The following GPC6 variants were observed in gnomAD, a reference collection of about 807,000 sequenced individuals.
The protein encoded by GPC6 is glypican 6, also known as glypican-6.
A neutral mutation model predicts 55.2 loss-of-function variants in GPC6; 14 were observed. The observed-to-expected ratio is 0.25, with a 90% confidence interval of 0.17 to 0.40. The LOEUF (loss-of-function observed/expected upper bound fraction) is 0.40, where lower values mean the gene tolerates loss of function less well. GPC6 is among the 10% of genes least tolerant of loss of function. The pLI is 1.00. For synonymous variants in GPC6, 278 were observed against 259.6 expected (o/e 1.07, Z -0.68); for missense variants, 641 against 708.5 (o/e 0.90, Z 1.08).
At chr13:93,360,948 G>A (rs1881022623) in intron 1 of GPC6, among the ~76,000 whole-genome samples, 1 of 152,038 alleles carries the variant, frequency 6.6e-6, no homozygotes, top group Non-Finnish European at 1.5e-5. Flanking sequence ...ATGGGCCTCT[G>A]GATCTATTGT....
At position 94,152,370 on chromosome 13, in the gene GPC6, T is replaced by C. The variant is rs138229038; in HGVS notation, c.877+124476T>C. Among the ~76,000 whole-genome samples the C allele has an allele frequency of 2.0e-5, 3 of 152,288 alleles. No individual in the cohort carries two copies. The East Asian group carries it at 5.8e-4, about 29-fold the overall frequency. On this transcript the variant is annotated intron_variant, in intron 4 of 8. Transcript: ENST00000377047. Reference sequence around the variant, plus strand: ...CAATCATTGCTTGGGTGATCTTGGGTAATTCACTTAAATTTGCTGCTTCTC... The same window carrying C: ...CAATCATTGCTTGGGTGATCTTGGGCAATTCACTTAAATTTGCTGCTTCTC...
intron 3 of GPC6, among the ~76,000 whole-genome samples, chr13:93,907,407 A>T (rs1322731353): frequency 6.6e-6 from 1 of 152,172 alleles, no homozygotes; most frequent in Non-Finnish European, 1.5e-5. Context: ...TCCACCTAAC[A>T]TTAAAGACAC....
chr13:93,997,832 C>T (rs936570380), intron 3 of GPC6, among the ~76,000 whole-genome samples: 26 of 152,114 alleles, frequency 1.7e-4, no homozygotes, highest in African/African-American at 6.3e-4. Context: ...CTGCAAGGGT[C>T]CTGCTGCATT....
rs138756989 is a variant in GPC6, at chr13:94,281,219, T to C, written c.878-5130T>C. Among the ~76,000 whole-genome samples, 302 of 152,288 alleles carry C rather than the reference T, an allele frequency of 2.0e-3. 1 individual carries two copies. The highest frequency in any genetic ancestry group is 6.9e-3 in the African/African-American group (286 of 41,562). On this transcript the variant is annotated intron_variant, in intron 4 of 8. Transcript: ENST00000377047. ...ATTTTACTTTAAGTTCCAAGACACA[T>C]GTGCAGAATGTGCAGGTTTGTTATG...
intron 1 of GPC6, among the ~76,000 whole-genome samples, chr13:93,327,896 A>G (rs1405913919): frequency 6.6e-6 from 1 of 152,142 alleles, no homozygotes; most frequent in East Asian, 1.9e-4. Flanking sequence ...TGAATGGTCA[A>G]TGCCTTGACC....
In GPC6 at chr13:94,292,243, C is replaced by T. The variant is rs544439588; in HGVS notation, c.1008+5764C>T. On this transcript the variant is annotated intron_variant, in intron 5 of 8. Coordinates refer to ENST00000377047, the MANE Select transcript of GPC6 (RefSeq NM_005708.5). ...GAGCATCTGATTCCAAAGCCCATCTCGCTAATCGATGCATAACCCTAACCC... is the reference window on the plus strand; with the variant it reads ...GAGCATCTGATTCCAAAGCCCATCTTGCTAATCGATGCATAACCCTAACCC... 8.4e-5 allele frequency among the ~76,000 whole-genome samples: 11 copies of T among 130,228 alleles called. No individual in the cohort carries two copies. The South Asian group carries it at 3.2e-3, about 38-fold the overall frequency. 85.4% of individuals were successfully genotyped at this position (130,228 alleles called of 152,430 possible).
chr13:93,390,597 G>C (rs1875588027), intron 1 of GPC6, among the ~76,000 whole-genome samples: 2 of 152,080 alleles, frequency 1.3e-5, no homozygotes, highest in South Asian at 4.2e-4. Context: ...AACTTTAAAG[G>C]CATTTAGTTT....
intron 2 of GPC6, among the ~76,000 whole-genome samples, chr13:93,735,156 G>A (rs1482051420): frequency 6.6e-6 from 1 of 152,114 alleles, no homozygotes; most frequent in East Asian, 1.9e-4. Flanking sequence ...AAAACAAGGA[G>A]CCTATAATAA....
intron 1 of GPC6, among the ~76,000 whole-genome samples, chr13:93,238,973 G>T (rs112389073): frequency 5.9e-5 from 9 of 152,104 alleles, no homozygotes; most frequent in African/African-American, 2.2e-4. Context: ...CTTTTGTTGT[G>T]CTATAGTATT....
At chr13:93,303,400 A>G (rs1878747309) in intron 1 of GPC6, among the ~76,000 whole-genome samples, 1 of 152,208 alleles carries the variant, frequency 6.6e-6, no homozygotes, top group Non-Finnish European at 1.5e-5. Context: ...TTAGGACAGT[A>G]GCTGACAAAA....
At chr13:94,004,960 G>T (rs1473428340) in intron 3 of GPC6, among the ~76,000 whole-genome samples, 1 of 152,128 alleles carries the variant, frequency 6.6e-6, no homozygotes, top group African/African-American at 2.4e-5. Context: ...TACTTGGGAG[G>T]CTGAGGCAGG....
Position 93,830,291 on chromosome 13 carries a change from G to T in GPC6, c.457G>T (p.Gly153Cys). Reference protein sequence around the residue: ...FTELKRYYTGGNVNLEEMLND... With the variant: ...FTELKRYYTGCNVNLEEMLND... The stretch of plus-strand genomic sequence containing the variant: ...AGAGCTGAAAAGGTACTACACTGGG[G>T]GTAATGTGAATCTGGAGGAAATGCT... Residue 153 changes from glycine (G) to cysteine (C), a missense_variant, in exon 3 of 9, where the codon GGT becomes TGT. Physicochemically the swap from Gly to Cys is radical, Grantham distance 159. Coordinates refer to ENST00000377047, the MANE Select transcript of GPC6 (RefSeq NM_005708.5). The T allele has an allele frequency of 6.2e-7, 1 of 1,613,930 alleles. No homozygotes were observed. The highest frequency in any genetic ancestry group is 8.5e-7 in the Non-Finnish European group (1 of 1,179,948).
At chr13:93,501,665 T>A (rs982296924) in intron 1 of GPC6, among the ~76,000 whole-genome samples, 2 of 152,144 alleles carry the variant, frequency 1.3e-5, no homozygotes, top group East Asian at 1.9e-4. Context: ...AAGAAGAGTT[T>A]ACTGCATCTT....
At chr13:94,116,988 C>A (rs1310742033) in intron 4 of GPC6, among the ~76,000 whole-genome samples, 10 of 151,892 alleles carry the variant, frequency 6.6e-5, no homozygotes, top group African/African-American at 2.2e-4. Flanking sequence ...TTTTCCCCCC[C>A]AAATACAGTA....
At chr13:93,236,841 G>C (rs1269017757) in intron 1 of GPC6, among the ~76,000 whole-genome samples, 2 of 152,092 alleles carry the variant, frequency 1.3e-5, no homozygotes, top group Non-Finnish European at 1.5e-5. Flanking sequence ...CTATTCCTGA[G>C]TCACTTCATT....
intron 4 of GPC6, among the ~76,000 whole-genome samples, chr13:94,257,983 C>T (rs1891553203): frequency 1.3e-5 from 2 of 151,868 alleles, no homozygotes; most frequent in East Asian, 1.9e-4. Flanking sequence ...GCAGAGAATC[C>T]CAATATAGTT....
intron 3 of GPC6, among the ~76,000 whole-genome samples, chr13:93,898,944 T>A (rs1386427156): frequency 1.6e-5 from 2 of 127,094 alleles, no homozygotes; most frequent in Non-Finnish European, 3.2e-5. Flanking sequence ...TATATAAATA[T>A]ATATATATAT....
chr13:93,908,526 C>G (rs1350343150), intron 3 of GPC6, among the ~76,000 whole-genome samples: 1 of 152,138 alleles, frequency 6.6e-6, no homozygotes, highest in African/African-American at 2.4e-5. Context: ...AGCATTTACA[C>G]TTGTTTGTGT....
At chr13:93,948,624 A>G (rs564484006) in intron 3 of GPC6, among the ~76,000 whole-genome samples, 4 of 152,340 alleles carry the variant, frequency 2.6e-5, no homozygotes, top group African/African-American at 9.6e-5. Context: ...AGGTTTAGCA[A>G]AGATGCAAGA....
Sources: allele counts gnomAD v4.1 joint callset (sites outside exome capture counted in the v4.1 genomes callset), GRCh38; gene constraint gnomAD v4.1.1; transcripts MANE v1.5; gene names NCBI Gene and HGNC (gene_info 2026-07-23, HGNC 2026-07-21).